The following ZNF391 variants were observed in gnomAD, a reference collection of about 807,000 sequenced individuals.
ZNF391 encodes the protein zinc finger protein 391.
For synonymous variants in ZNF391, 126 were observed against 142.1 expected (o/e 0.89, Z 0.80); for missense variants, 375 against 425.5 (o/e 0.88, Z 1.04).
At chr6:27,383,833 G>A (rs148134147), upstream of ZNF391, among the ~76,000 whole-genome samples, 1,288 of 152,074 alleles carry the variant, frequency 8.5e-3, 18 homozygotes, top group African/African-American at 0.028. Context: ...ACAGAAAATC[G>A]AAATTAAAGA....
intron 1 of ZNF391, among the ~76,000 whole-genome samples, chr6:27,380,157 T>C (rs1369530471): frequency 6.6e-6 from 1 of 152,226 alleles, no homozygotes; most frequent in African/African-American, 2.4e-5. Context: ...GGTAGAGTGA[T>C]ATGTGCCTAT....
At position 27,403,809 on chromosome 6, in the gene ZNF391, T is replaced by C. The variant is rs944249883; in HGVS notation, c.*2362T>C. ...CTTGGCTTTCCAATTCATGAGACTA[T>C]TGTAAAGAATAAGTGAGTTCATTCA... On this transcript the variant is annotated 3_prime_UTR_variant, in exon 3 of 3. Coordinates refer to ENST00000244576, the MANE Select transcript of ZNF391 (RefSeq NM_001076781.3). 3 of 152,208 alleles carry C rather than the reference T, an allele frequency of 2.0e-5. No homozygotes were observed. Among genetic ancestry groups the C allele is most frequent in the Non-Finnish European group, 4.4e-5 (3 of 68,026 alleles). 9.4% of individuals were successfully genotyped at this position (152,208 alleles called of 1,614,324 possible).
upstream of ZNF391, among the ~76,000 whole-genome samples, chr6:27,384,547 T>G (rs1761556951): frequency 6.6e-6 from 1 of 151,778 alleles, no homozygotes; most frequent in Non-Finnish European, 1.5e-5. Flanking sequence ...TATTGTTAGT[T>G]GATGTACTAC....
intron 1 of ZNF391, among the ~76,000 whole-genome samples, chr6:27,393,031 T>C (rs1459402417): frequency 6.6e-6 from 1 of 152,236 alleles, no homozygotes; most frequent in Admixed American, 6.5e-5. Context: ...TTTCATTTTT[T>C]CTAGGTAGAA....
In ZNF391 at chr6:27,388,795, A is replaced by T; in HGVS notation, c.-468A>T. 1 of 416,816 alleles carries T rather than the reference A, an allele frequency of 2.4e-6. No individual in the cohort carries two copies. Among genetic ancestry groups the T allele is most frequent in the South Asian group, 1.7e-5 (1 of 58,394 alleles). 25.8% of individuals were successfully genotyped at this position (416,816 alleles called of 1,614,324 possible). On this transcript the variant is annotated 5_prime_UTR_variant, in exon 1 of 3. Transcript: ENST00000244576. Reference sequence around the variant, plus strand: ...TGTTTTGCAACTGGTCGTCCGCGTCAGGAGACTTAGGTCCAGGCGACTGCC... The same window carrying T: ...TGTTTTGCAACTGGTCGTCCGCGTCTGGAGACTTAGGTCCAGGCGACTGCC...
chr6:27,403,249 C>T lies in ZNF391; in HGVS notation c.*1802C>T, dbSNP rs1762016592. 6.6e-6 allele frequency: 1 copy of T among 152,228 alleles called. No individual in the cohort carries two copies. The highest frequency in any genetic ancestry group is 2.1e-4 in the South Asian group (1 of 4,832). 9.4% of individuals were successfully genotyped at this position (152,228 alleles called of 1,614,324 possible). On this transcript the variant is annotated 3_prime_UTR_variant, in exon 3 of 3. Coordinates refer to ENST00000244576, the MANE Select transcript of ZNF391 (RefSeq NM_001076781.3). ...TCTACTTACTTACTTCCTTTCTCTT[C>T]TCAAAGATAATACATGCGGGCAGGC...
At chr6:27,385,464 C>T, upstream of ZNF391, among the ~76,000 whole-genome samples, 1 of 152,036 alleles carries the variant, frequency 6.6e-6, no homozygotes, top group Non-Finnish European at 1.5e-5. Flanking sequence ...CATACTAACA[C>T]TAATCAAAAG....
intron 2 of ZNF391, among the ~76,000 whole-genome samples, chr6:27,399,823 T>G (rs533830648): frequency 6.6e-6 from 1 of 152,322 alleles, no homozygotes; most frequent in East Asian, 1.9e-4. Context: ...ATTTCTGAAA[T>G]TTTTATTCTC....
At chr6:27,396,484 G>A (rs1039453163) in intron 1 of ZNF391, among the ~76,000 whole-genome samples, 3 of 152,174 alleles carry the variant, frequency 2.0e-5, no homozygotes, top group African/African-American at 7.2e-5. Flanking sequence ...CAGCGCTTTA[G>A]GAGGCTGAGG....
chr6:27,388,968 C>G lies in ZNF391; in HGVS notation c.-295C>G, dbSNP rs1173948053. 1.8e-5 allele frequency: 8 copies of G among 456,400 alleles called. No individual in the cohort carries two copies. The highest frequency in any genetic ancestry group is 1.1e-4 in the South Asian group (7 of 64,528). The allele number at this position is 456,400 out of a possible 1,614,324, so 28.3% of individuals were successfully genotyped here. On this transcript the variant is annotated 5_prime_UTR_variant, in exon 1 of 3. Coordinates refer to ENST00000244576, the MANE Select transcript of ZNF391 (RefSeq NM_001076781.3). The stretch of plus-strand genomic sequence containing the variant: ...CTTTAATCCTTCCGACTTCCCCAAG[C>G]CCAGCGCACTCAGGTTCCGCTCCAA...
intron 1 of ZNF391, among the ~76,000 whole-genome samples, chr6:27,383,077 G>C (rs1761533689): frequency 6.6e-6 from 1 of 151,952 alleles, no homozygotes; most frequent in Non-Finnish European, 1.5e-5. Context: ...CCGAGATTGT[G>C]CCACTGTATT....
At chr6:27,397,029 A>G (rs748285143) in intron 1 of ZNF391, among the ~76,000 whole-genome samples, 3 of 152,202 alleles carry the variant, frequency 2.0e-5, no homozygotes, top group African/African-American at 4.8e-5. Context: ...AATAAAAGAG[A>G]GAGGTTATAG....
At chr6:27,392,641 C>G (rs551478139) in intron 1 of ZNF391, among the ~76,000 whole-genome samples, 1 of 152,226 alleles carries the variant, frequency 6.6e-6, no homozygotes, top group Admixed American at 6.5e-5. Context: ...CAGTCACTCT[C>G]TATACCCCTA....
chr6:27,376,952 T>C lies in ZNF391; in HGVS notation n.523+1815T>C, dbSNP rs1293642519. Among the ~76,000 whole-genome samples the C allele has an allele frequency of 6.6e-6, 1 of 152,144 alleles. No homozygotes were observed. Among genetic ancestry groups the C allele is most frequent in the African/African-American group, 2.4e-5 (1 of 41,420 alleles). ...TGCCTTGAGATTATTCCTAAGTGGC[T>C]CCTTCCACCCATTGTTATGAATATT... On this transcript the variant is annotated intron_variant and non_coding_transcript_variant, in intron 1 of 2. Coordinates refer to the ZNF391 transcript ENST00000477999. This position sits in a 1 kb window ranked among gnomAD's most constrained non-coding sequence, Gnocchi z 4.7.
At position 27,402,607 on chromosome 6, in the gene ZNF391, T is replaced by C. The variant is rs983382258; in HGVS notation, c.*1160T>C. 1 of 152,146 alleles carries C rather than the reference T, an allele frequency of 6.6e-6. No homozygotes were observed. The highest frequency in any genetic ancestry group is 1.5e-5 in the Non-Finnish European group (1 of 68,042). The allele number at this position is 152,146 out of a possible 1,614,324, so 9.4% of individuals were successfully genotyped here. ...TTGAAGACAGAAATCTTGGTTTGTT[T>C]GTTGTTTTATTTTTGAGAGAAGGTC... On this transcript the variant is annotated 3_prime_UTR_variant, in exon 3 of 3. Coordinates refer to ENST00000244576, the MANE Select transcript of ZNF391 (RefSeq NM_001076781.3).
At chr6:27,380,833 CAG>C (rs972183515) in intron 1 of ZNF391, among the ~76,000 whole-genome samples, 12 of 152,074 alleles carry the variant, frequency 7.9e-5, no homozygotes, top group African/African-American at 2.7e-4. Context: ...TAGCTAGATA[CAG>C]AGTGTCGATT....
chr6:27,401,286 G>T lies in ZNF391; in HGVS notation c.916G>T (p.Glu306Ter), dbSNP rs368342226. The change falls in exon 3 of 3, where the codon GAG becomes TAG. Residue 306 changes from glutamate to a stop codon, truncating the protein, a stop_gained. Transcript: ENST00000244576. LOFTEE classifies it low-confidence loss of function (END_TRUNC). ...AATCCACAGTGGAGAAAAGCCTCAC[G>T]AGTGTAGAGTGTGTGGAAAGGGCTT... The part of the protein sequence containing the change: ...QRIHSGEKPH[E>*]CRVCGKGFSR... 6.2e-7 allele frequency: 1 copy of T among 1,614,008 alleles called. No individual in the cohort carries two copies. The highest frequency in any genetic ancestry group is 1.7e-5 in the Admixed American group (1 of 59,998).
chr6:27,374,971 CCCTACG>C lies in ZNF391; in HGVS notation n.361_366del, dbSNP rs1011884534. On this transcript the variant is annotated non_coding_transcript_exon_variant, in exon 1 of 3. Coordinates refer to the ZNF391 transcript ENST00000477999. The surrounding 1 kb of genome is among the most constrained non-coding windows in gnomAD (Gnocchi z 5.3). ...GGCCTGGAGGGCGCGTCCCGGGCTC[CCCTACG>C]CCTTTTGGAATCAGCGACAGACGCA... The C allele has an allele frequency of 7.9e-5, 12 of 152,566 alleles. No homozygotes were observed. The East Asian group carries it at 1.7e-3, about 22-fold the overall frequency. 9.5% of individuals were successfully genotyped at this position (152,566 alleles called of 1,614,324 possible). A position where few individuals can be genotyped will look rare whatever the true frequency, so the allele number is the denominator to read the frequency against.
intron 1 of ZNF391, chr6:27,389,477 T>G (rs1367180792): frequency 4.5e-6 from 2 of 441,556 alleles, no homozygotes; most frequent in South Asian, 3.2e-5. Context: ...ACTATTATTA[T>G]GCCCATGTTA....
Sources: gnomAD v4.1 joint callset for allele counts (sites outside exome capture counted in the v4.1 genomes callset) on GRCh38, gnomAD v4.1.1 for gene constraint, Gnocchi (gnomAD v3.1) non-coding constraint, MANE v1.5 for transcripts, NCBI Gene and HGNC (gene_info 2026-07-23, HGNC 2026-07-21) for gene names.